PITPNM2: variants seen among roughly 807,000 people sequenced by gnomAD.
The protein encoded by PITPNM2 is membrane-associated phosphatidylinositol transfer protein 2.
A neutral mutation model predicts 132.2 loss-of-function variants in PITPNM2; 35 were observed. That is an observed-to-expected ratio of 0.26 (90% confidence interval 0.20 to 0.35). The LOEUF (loss-of-function observed/expected upper bound fraction) is 0.35. Ranked by LOEUF, PITPNM2 falls within the 10% of genes least tolerant of loss-of-function variation. The pLI, the probability that PITPNM2 is intolerant of heterozygous loss-of-function variation, is 1.00. For synonymous variants in PITPNM2, 738 were observed against 799.2 expected (o/e 0.92, Z 1.29); for missense variants, 1,332 against 1,912.0 (o/e 0.70, Z 5.66).
chr12:122,990,047 G>A lies in PITPNM2; in HGVS notation c.2570-99C>T, dbSNP rs1298016907. 4 of 1,053,176 alleles carry A rather than the reference G, an allele frequency of 3.8e-6. No homozygotes were observed. In the African/African-American group the frequency reaches 5.0e-5, roughly 13 times the overall value. 65.2% of individuals were successfully genotyped at this position (1,053,176 alleles called of 1,614,324 possible). Reference sequence around the variant, plus strand: ...AGGACACTGGGACAGTGCCAGGCCTGGAGCTATCAAGGGCGAGCCCATTGG... The same window carrying A: ...AGGACACTGGGACAGTGCCAGGCCTAGAGCTATCAAGGGCGAGCCCATTGG... On this transcript the variant is annotated intron_variant, in intron 17 of 25. Transcript: ENST00000320201.
intron 2 of PITPNM2, among the ~76,000 whole-genome samples, chr12:123,100,931 C>T (rs965156054): frequency 2.0e-5 from 3 of 152,172 alleles, no homozygotes; most frequent in African/African-American, 7.2e-5. Context: ...ACTTCACATA[C>T]GAAGGAACTG....
intron 2 of PITPNM2, among the ~76,000 whole-genome samples, chr12:123,093,538 G>A (rs904663289): frequency 2.0e-5 from 3 of 151,990 alleles, no homozygotes; most frequent in African/African-American, 4.8e-5. Context: ...GAGTCTGGCC[G>A]CTGCAGTGGA....
At position 123,117,821 on chromosome 12, in the gene PITPNM2, C is replaced by T. The variant is rs954845131; in HGVS notation, c.-199-7333G>A. ...CTCTCCCTAAATCATATGTTTAGCC[C>T]CCTGGACTCTAGGTGAGGCTACGGG... On this transcript the variant is annotated intron_variant, in intron 1 of 25. Coordinates refer to ENST00000320201, the MANE Select transcript of PITPNM2 (RefSeq NM_020845.3). The surrounding 1 kb of genome is among the most constrained non-coding windows in gnomAD (Gnocchi z 4.7). Among the ~76,000 whole-genome samples the T allele has an allele frequency of 2.0e-5, 3 of 152,196 alleles. No individual in the cohort carries two copies. Among genetic ancestry groups the T allele is most frequent in the African/African-American group, 7.2e-5 (3 of 41,434 alleles).
In PITPNM2 at chr12:123,034,597, G is replaced by A. The variant is rs1014660769; in HGVS notation, c.-7C>T. On this transcript the variant is annotated 5_prime_UTR_variant, in exon 3 of 26. Transcript: ENST00000320201. ...GATATTCCTTTATAATCATCTTGGA[G>A]TCCAAGCCTTCCCGTCGATGGGGAA... 1.9e-6 allele frequency: 3 copies of A among 1,613,850 alleles called. No individual in the cohort carries two copies. The highest frequency in any genetic ancestry group is 1.7e-6 in the Non-Finnish European group (2 of 1,179,716).
At position 122,986,328 on chromosome 12, in the gene PITPNM2, G is replaced by A. The variant is rs966107088; in HGVS notation, c.3749C>T (p.Ala1250Val). Residue 1250 changes from alanine to valine, a missense_variant, in exon 26 of 26, where the codon GCC becomes GTC. Coordinates refer to ENST00000320201, the MANE Select transcript of PITPNM2 (RefSeq NM_020845.3). Reference protein sequence around the residue: ...QCQFITDGYAAHLAQLKYSHR... With the variant: ...QCQFITDGYAVHLAQLKYSHR... ...GCTGTACTTCAGCTGCGCCAGGTGG[G>A]CCGCGTAGCCATCCGTGATGAACTG... The A allele has an allele frequency of 1.3e-6, 2 of 1,579,266 alleles. No individual in the cohort carries two copies. Among genetic ancestry groups the A allele is most frequent in the Non-Finnish European group, 1.7e-6 (2 of 1,164,556 alleles).
At chr12:123,138,757 G>A (rs1348969352) in intron 1 of PITPNM2, among the ~76,000 whole-genome samples, 1 of 152,208 alleles carries the variant, frequency 6.6e-6, no homozygotes, top group Non-Finnish European at 1.5e-5. Context: ...GAATTCGATA[G>A]AGCCAGTGAG....
At chr12:123,068,193 C>T (rs12824699) in intron 2 of PITPNM2, among the ~76,000 whole-genome samples, 51 of 118,774 alleles carry the variant, frequency 4.3e-4, no homozygotes, top group African/African-American at 1.6e-3. Flanking sequence ...CACGGCCGGG[C>T]ACGGTGGCTC....
intron 5 of PITPNM2, 102 bp from the exon 6 acceptor site, chr12:123,010,179 C>A: frequency 1.0e-6 from 1 of 987,350 alleles, no homozygotes; most frequent in Non-Finnish European, 1.5e-6. Context: ...GACTCTGGGC[C>A]TTGCCCTGCC....
intron 1 of PITPNM2, among the ~76,000 whole-genome samples, chr12:123,127,641 G>C (rs1223816950): frequency 7.2e-6 from 1 of 139,388 alleles, no homozygotes; most frequent in Admixed American, 7.7e-5. Context: ...ACGGAGTCTC[G>C]CTCTGTCGCC....
intron 1 of PITPNM2, among the ~76,000 whole-genome samples, chr12:123,112,694 C>G (rs558705973): frequency 6.6e-6 from 1 of 152,000 alleles, no homozygotes; most frequent in Non-Finnish European, 1.5e-5. Context: ...ACTGCCACCA[C>G]GCCTGGCTAA....
chr12:122,991,074 A>C (rs1222614772), intron 16 of PITPNM2, among the ~76,000 whole-genome samples: 1 of 152,226 alleles, frequency 6.6e-6, no homozygotes, highest in South Asian at 2.1e-4. Flanking sequence ...CCCACAGCAG[A>C]AGCAGCGGCT....
intron 8 of PITPNM2, among the ~76,000 whole-genome samples, chr12:123,002,135 C>T (rs1302738705): frequency 4.0e-5 from 6 of 151,024 alleles, no homozygotes; most frequent in Non-Finnish European, 8.8e-5. Context: ...GTCAGGAATT[C>T]AAGACCAGCC....
rs750338373 is a variant in PITPNM2, at chr12:122,996,569, C to G, written c.1671G>C (p.Leu557=). 5 of 1,612,972 alleles carry G rather than the reference C, an allele frequency of 3.1e-6. No individual in the cohort carries two copies. Among genetic ancestry groups the G allele is most frequent in the African/African-American group, 1.3e-5 (1 of 74,924 alleles). ...EGMTFNGQVC[L]IGDCVGGILA... ...GGATGCCCCCGACGCAGTCCCCAAT[C>G]AGGCAGACCTTGGGAGAGAGGGGCC... Residue 557 remains leucine, a synonymous_variant, in exon 13 of 26, where the codon CTG becomes CTC. Transcript: ENST00000320201.
chr12:123,027,785 C>G (rs1281182075), intron 3 of PITPNM2, among the ~76,000 whole-genome samples: 2 of 152,232 alleles, frequency 1.3e-5, no homozygotes, highest in Non-Finnish European at 2.9e-5. Context: ...CTAGTTCCAA[C>G]TGTCACCAGG....
intron 1 of PITPNM2, among the ~76,000 whole-genome samples, chr12:123,145,044 G>A (rs964260600): frequency 2.0e-5 from 3 of 152,128 alleles, no homozygotes; most frequent in African/African-American, 7.2e-5. Context: ...CCAGCGTGGT[G>A]CACAAGTCTG....
At chr12:122,988,957 C>A in intron 18 of PITPNM2, 85 bp from the exon 19 acceptor site, 1 of 1,358,940 alleles carries the variant, frequency 7.4e-7, no homozygotes, top group South Asian at 1.6e-5. Context: ...CTGGCCTGCT[C>A]AGCCCAGCAC....
chr12:123,080,457 C>T (rs1197574343), intron 2 of PITPNM2, among the ~76,000 whole-genome samples: 1 of 152,218 alleles, frequency 6.6e-6, no homozygotes, highest in Non-Finnish European at 1.5e-5. Flanking sequence ...GGGATTTGTT[C>T]CCAAAGTTGC....
At position 122,992,004 on chromosome 12, in the gene PITPNM2, G is replaced by T; in HGVS notation, c.2404+495C>A. ...CAGGGCTCCTCGAGGACCAGGACGTGACAAGACGCTGGGACACACGCTGGG... is the reference window on the plus strand; with the variant it reads ...CAGGGCTCCTCGAGGACCAGGACGTTACAAGACGCTGGGACACACGCTGGG... On this transcript the variant is annotated intron_variant, in intron 16 of 25. Coordinates refer to ENST00000320201, the MANE Select transcript of PITPNM2 (RefSeq NM_020845.3). The surrounding 1 kb of genome is among the most constrained non-coding windows in gnomAD (Gnocchi z 6.5). The T allele has an allele frequency of 9.2e-7, 1 of 1,090,880 alleles. No homozygotes were observed. The highest frequency in any genetic ancestry group is 4.2e-5 in the South Asian group (1 of 23,562). 67.6% of individuals were successfully genotyped at this position (1,090,880 alleles called of 1,614,324 possible).
chr12:123,071,632 C>A (rs1180548161), intron 2 of PITPNM2, among the ~76,000 whole-genome samples: 3 of 152,246 alleles, frequency 2.0e-5, no homozygotes, highest in African/African-American at 7.2e-5. Flanking sequence ...CCTAGGACAG[C>A]CTCTGGTACA....
Sources: gnomAD v4.1 joint callset for allele counts (sites outside exome capture counted in the v4.1 genomes callset) on GRCh38, gnomAD v4.1.1 for gene constraint, Gnocchi (gnomAD v3.1) non-coding constraint, MANE v1.5 for transcripts, NCBI Gene and HGNC (gene_info 2026-07-23, HGNC 2026-07-21) for gene names.